Variants in AFF3 observed in about 807,000 individuals in gnomAD.
The protein encoded by AFF3 is ALF transcription elongation factor 3.
A neutral mutation model predicts 129.7 loss-of-function variants in AFF3; 32 were observed. That is an observed-to-expected ratio of 0.25 (90% CI 0.19 to 0.33). AFF3 has a LOEUF of 0.33. Among genes scored for constraint, AFF3 ranks in the 10% least tolerant of loss-of-function variants. The pLI, the probability that AFF3 is intolerant of heterozygous loss-of-function variation, is 1.00. For synonymous variants in AFF3, 644 were observed against 635.4 expected (o/e 1.01, Z -0.20); for missense variants, 1,373 against 1,592.0 (o/e 0.86, Z 2.34).
intron 10 of AFF3, among the ~76,000 whole-genome samples, chr2:99,734,037 T>G (rs564161736): frequency 3.9e-5 from 6 of 152,320 alleles, no homozygotes; most frequent in African/African-American, 1.4e-4. Flanking sequence ...TTTACAACAC[T>G]GCATCTTCCA....
chr2:100,024,605 T>G (rs1683885627), intron 4 of AFF3, among the ~76,000 whole-genome samples: 2 of 151,496 alleles, frequency 1.3e-5, no homozygotes, highest in Admixed American at 1.3e-4. Flanking sequence ...TGAAACTCCG[T>G]CTCAAAAATA....
chr2:99,916,345 A>G (rs796911799), intron 7 of AFF3, among the ~76,000 whole-genome samples: 6 of 152,298 alleles, frequency 3.9e-5, no homozygotes, highest in African/African-American at 1.4e-4. Flanking sequence ...TACTGTCTAA[A>G]AGTCTATCAC....
intron 4 of AFF3, among the ~76,000 whole-genome samples, chr2:100,009,868 A>C (rs974687587): frequency 1.3e-5 from 2 of 152,188 alleles, no homozygotes; most frequent in Non-Finnish European, 2.9e-5. Flanking sequence ...CAACACTACC[A>C]ATCAAAAAGA....
At chr2:99,649,689 A>T in intron 12 of AFF3, 23 bp from the exon 13 acceptor site, 1 of 1,613,694 alleles carries the variant, frequency 6.2e-7, no homozygotes, top group African/African-American at 1.3e-5. Flanking sequence ...AAGGGCAGAG[A>T]TGTTTATTTA....
chr2:99,676,524 T>C (rs1687618302), intron 11 of AFF3, among the ~76,000 whole-genome samples: 1 of 152,182 alleles, frequency 6.6e-6, no homozygotes, highest in Non-Finnish European at 1.5e-5. Flanking sequence ...CCTTGGATAG[T>C]GCTAAGCACG....
At chr2:99,665,168 G>A (rs1686569714) in intron 12 of AFF3, among the ~76,000 whole-genome samples, 1 of 152,222 alleles carries the variant, frequency 6.6e-6, no homozygotes, top group Non-Finnish European at 1.5e-5. Context: ...CCATGCTGAG[G>A]GCTCCGAATT....
At chr2:99,648,883 G>GCACACACACA (rs1435440135) in intron 13 of AFF3, among the ~76,000 whole-genome samples, 2 of 90,850 alleles carry the variant, frequency 2.2e-5, no homozygotes, top group African/African-American at 4.2e-5. Context: ...CAAAACACGC[G>GCACACACACA]CGCACACACA....
At chr2:99,638,323 G>C (rs1683856714) in intron 13 of AFF3, among the ~76,000 whole-genome samples, 1 of 152,102 alleles carries the variant, frequency 6.6e-6, no homozygotes, top group Non-Finnish European at 1.5e-5. Context: ...ACCTCCCAAA[G>C]TGCTGGGATT....
chr2:99,655,306 G>A (rs1685654327), intron 12 of AFF3, among the ~76,000 whole-genome samples: 1 of 151,362 alleles, frequency 6.6e-6, no homozygotes, highest in South Asian at 2.1e-4. Context: ...AGAGGACAGG[G>A]TGCTCTGAAA....
chr2:100,123,609 T>A (rs529714149), intron 2 of AFF3, among the ~76,000 whole-genome samples: 1 of 152,270 alleles, frequency 6.6e-6, no homozygotes, highest in South Asian at 2.1e-4. Flanking sequence ...GCATCGATAG[T>A]GTTGAATAGT....
Position 99,551,411 on chromosome 2 carries a change from G to T in AFF3, c.*63C>A. ...TGTGGCTGGGAGTTTCAGTAGCACA[G>T]TGTCCAAAAACGTTGAGCCATCTGT... is the stretch of plus-strand genomic sequence containing the variant. On this transcript the variant is annotated 3_prime_UTR_variant, in exon 25 of 25. Transcript: ENST00000672756. The T allele has an allele frequency of 6.2e-7, 1 of 1,600,240 alleles. No homozygotes were observed. The highest frequency in any genetic ancestry group is 1.1e-5 in the South Asian group (1 of 90,452).
At chr2:100,092,274 T>A (rs1323830867) in intron 4 of AFF3, among the ~76,000 whole-genome samples, 2 of 151,630 alleles carry the variant, frequency 1.3e-5, no homozygotes, top group Non-Finnish European at 2.9e-5. Flanking sequence ...AGCACCCTCA[T>A]CCCCTTCTAC....
chr2:99,810,240 C>A (rs1186762263), intron 8 of AFF3, among the ~76,000 whole-genome samples: 2 of 152,164 alleles, frequency 1.3e-5, no homozygotes, highest in Admixed American at 6.5e-5. Flanking sequence ...ATGGAAAGGG[C>A]AGACAATTAT....
At chr2:99,974,180 T>C (rs1168667297) in intron 7 of AFF3, among the ~76,000 whole-genome samples, 1 of 152,220 alleles carries the variant, frequency 6.6e-6, no homozygotes, top group Non-Finnish European at 1.5e-5. Flanking sequence ...GCTTGTTTTA[T>C]TTTCCCCCTA....
At chr2:99,966,633 T>C (rs1677788201) in intron 7 of AFF3, among the ~76,000 whole-genome samples, 1 of 118,994 alleles carries the variant, frequency 8.4e-6, no homozygotes, top group Non-Finnish European at 1.6e-5. Flanking sequence ...GAGCTTGCAG[T>C]GAGCCGAGAT....
chr2:99,639,860 G>T (rs1326380664), intron 13 of AFF3, among the ~76,000 whole-genome samples: 1 of 151,536 alleles, frequency 6.6e-6, no homozygotes, highest in African/African-American at 2.4e-5. Flanking sequence ...GCTAATTTTT[G>T]TATTTTTTTT....
chr2:99,973,067 G>A (rs115467622), intron 7 of AFF3, among the ~76,000 whole-genome samples: 207 of 152,198 alleles, frequency 1.4e-3, no homozygotes, highest in African/African-American at 4.6e-3. Flanking sequence ...AAATAAACCC[G>A]AAAACAACAC....
intron 7 of AFF3, among the ~76,000 whole-genome samples, chr2:99,915,188 G>C (rs1190122617): frequency 1.3e-5 from 2 of 151,886 alleles, no homozygotes; most frequent in African/African-American, 4.8e-5. Context: ...TTTTAAAAAG[G>C]CTCTCGATAA....
chr2:99,578,078 A>T (rs1677163006), intron 18 of AFF3, among the ~76,000 whole-genome samples: 1 of 152,144 alleles, frequency 6.6e-6, no homozygotes, highest in South Asian at 2.1e-4. Context: ...TTGTTTTTTG[A>T]TGTCCTGGAT....
Sources: gnomAD v4.1 joint callset for allele counts (sites outside exome capture counted in the v4.1 genomes callset) on GRCh38, gnomAD v4.1.1 for gene constraint, MANE v1.5 for transcripts, NCBI Gene and HGNC (gene_info 2026-07-23, HGNC 2026-07-21) for gene names.